MAU2: variants seen among roughly 807,000 people sequenced by gnomAD.
MAU2 encodes the protein MAU2 chromatid cohesion factor homolog.
A neutral mutation model predicts 89.1 loss-of-function variants in MAU2; 9 were observed. That is an observed-to-expected ratio of 0.10 (90% CI 0.06 to 0.18). The LOEUF (loss-of-function observed/expected upper bound fraction) is 0.18. Ranked by LOEUF, MAU2 falls within the 10% of genes least tolerant of loss-of-function variation. The probability of loss-of-function intolerance (pLI) is 1.00; values close to 1 mark genes in which losing one functional copy is unlikely to be tolerated. For synonymous variants in MAU2, 357 were observed against 343.4 expected, an observed-to-expected ratio of 1.04 and a Z score of -0.44; for missense variants, 425 against 803.5, an observed-to-expected ratio of 0.53 and a Z score of 5.69.
intron 12 of MAU2, among the ~76,000 whole-genome samples, chr19:19,346,693 T>C (rs560976800): frequency 1.3e-5 from 2 of 152,254 alleles, no homozygotes; most frequent in African/African-American, 2.4e-5. Flanking sequence ...GGGCTTGAGC[T>C]ACATAGATTG....
Position 19,345,692 on chromosome 19 carries a change from G to A in MAU2, c.1221+323G>A, listed in dbSNP as rs2061687690. 6.6e-6 allele frequency among the ~76,000 whole-genome samples: 1 copy of A among 152,184 alleles called. No individual in the cohort carries two copies. The highest frequency in any genetic ancestry group is 1.5e-5 in the Non-Finnish European group (1 of 68,020). On this transcript the variant is annotated intron_variant, in intron 12 of 18. Coordinates refer to ENST00000262815, the MANE Select transcript of MAU2 (RefSeq NM_015329.4). The surrounding 1 kb of genome is among the most constrained non-coding windows in gnomAD (Gnocchi z 4.9). ...CACCCCCAAGGCTGGATTGGCTCAA[G>A]TGTCAGCTGACAACTCAGAGCCATC...
intron 1 of MAU2, among the ~76,000 whole-genome samples, chr19:19,323,288 G>T (rs1248348690): frequency 6.6e-6 from 1 of 151,504 alleles, no homozygotes; most frequent in African/African-American, 2.4e-5. Context: ...TCCGTCTCGT[G>T]GGTTCAAGCA....
rs910706099 is a variant in MAU2 at position 19,342,463 on chromosome 19, G to A, written c.736-72G>A. 8.0e-6 allele frequency: 12 copies of A among 1,497,844 alleles called. No homozygotes were observed. The African/African-American group carries it at 1.7e-4, about 21-fold the overall frequency. The allele number at this position is 1,497,844 out of a possible 1,614,324, so 92.8% of individuals were successfully genotyped here. The stretch of plus-strand genomic sequence containing the variant: ...AGATGCTCCCTAGAGGAAGGAGCAG[G>A]GGTGGCTGGGCTGGGCCTGGCTTCC... On this transcript the variant is annotated intron_variant, in intron 7 of 18. Coordinates refer to ENST00000262815, the MANE Select transcript of MAU2 (RefSeq NM_015329.4).
At chr19:19,355,578 G>A in intron 18 of MAU2, 130 bp from the exon 19 acceptor site, 2 of 1,183,012 alleles carry the variant, frequency 1.7e-6, no homozygotes, top group Non-Finnish European at 2.4e-6. Flanking sequence ...TCTCCTCGGG[G>A]CCCATTGGAC....
Position 19,335,684 on chromosome 19 carries a change from C to A in MAU2, c.277-34C>A, listed in dbSNP as rs377156100. On this transcript the variant is annotated intron_variant, in intron 1 of 18. Coordinates refer to ENST00000262815, the MANE Select transcript of MAU2 (RefSeq NM_015329.4). ...CAGTAACCAGGTGCCAGGTGTTTGC[C>A]TGAGAATTAATCGTTGTTTTCTTTC... 7 of 1,613,572 alleles carry A rather than the reference C, an allele frequency of 4.3e-6. No individual in the cohort carries two copies. The African/African-American group carries it at 9.3e-5, about 22-fold the overall frequency.
At position 19,354,453 on chromosome 19, in the gene MAU2, C is replaced by T; in HGVS notation, c.1639+8C>T. 1.9e-6 allele frequency: 3 copies of T among 1,610,468 alleles called. No individual in the cohort carries two copies. Among genetic ancestry groups the T allele is most frequent in the Non-Finnish European group, 2.5e-6 (3 of 1,177,626 alleles). The stretch of plus-strand genomic sequence containing the variant: ...CGTCAGCACTGCTGAGAGGTGAGTG[C>T]AATGGCCACCCCTCTTCCCCAGCCC... On this transcript the variant is annotated splice_region_variant and intron_variant, in intron 17 of 18. Coordinates refer to ENST00000262815, the MANE Select transcript of MAU2 (RefSeq NM_015329.4).
At chr19:19,344,110 C>A (rs2061674617) in intron 10 of MAU2, 170 bp downstream of exon 10, 2 of 610,722 alleles carry the variant, frequency 3.3e-6, no homozygotes, top group Non-Finnish European at 5.8e-6. Context: ...ATCAGAGAAT[C>A]TCATACAAAA....
chr19:19,326,302 CAA>C (rs1298223260), intron 1 of MAU2, among the ~76,000 whole-genome samples: 1 of 151,876 alleles, frequency 6.6e-6, no homozygotes, highest in Non-Finnish European at 1.5e-5. Flanking sequence ...CCTGCAATCC[CAA>C]GACTTTGTGA....
chr19:19,331,986 C>A (rs769206650), intron 1 of MAU2, among the ~76,000 whole-genome samples: 3 of 152,240 alleles, frequency 2.0e-5, no homozygotes, highest in African/African-American at 7.2e-5. Context: ...GAAAGGCATA[C>A]GCCTCCGTTC....
At chr19:19,355,111 C>A in intron 17 of MAU2, 153 bp from the exon 18 acceptor site, 1 of 1,009,074 alleles carries the variant, frequency 9.9e-7, no homozygotes, top group Non-Finnish European at 1.4e-6. Context: ...GCTTTGTGAT[C>A]CCAAGACAGG....
chr19:19,355,506 A>T, intron 18 of MAU2, 115 bp downstream of exon 18: 1 of 1,467,972 alleles, frequency 6.8e-7, no homozygotes, highest in East Asian at 2.3e-5. Flanking sequence ...ACTCAGCCTC[A>T]GGTGATCCCT....
chr19:19,343,783 G>A, intron 9 of MAU2, 54 bp from the exon 10 acceptor site: 3 of 1,364,398 alleles, frequency 2.2e-6, no homozygotes, highest in Non-Finnish European at 3.1e-6. Context: ...GTGGGCTGGG[G>A]GTGGCGCCTC....
Position 19,345,431 on chromosome 19 carries a change from G to A in MAU2, c.1221+62G>A, listed in dbSNP as rs1020257845. On this transcript the variant is annotated intron_variant, in intron 12 of 18. Coordinates refer to ENST00000262815, the MANE Select transcript of MAU2 (RefSeq NM_015329.4). The surrounding 1 kb of genome is among the most constrained non-coding windows in gnomAD (Gnocchi z 4.9). ...CACACTTCTGAGTAAGGAGTCGGGC[G>A]TGGTCTGTGATGAGGACAGCAGTCG... The A allele has an allele frequency of 1.4e-5, 21 of 1,542,272 alleles. No homozygotes were observed. The highest frequency in any genetic ancestry group is 2.2e-5 in the East Asian group (1 of 44,542).
Position 19,340,888 on chromosome 19 carries a change from G to A in MAU2, c.579+15G>A. ...GCAAGGGGATGGTAAGTTGAGGCTG[G>A]GCATGGCTGGATGCAGCTGGTGTTG... On this transcript the variant is annotated intron_variant, in intron 6 of 18. Coordinates refer to ENST00000262815, the MANE Select transcript of MAU2 (RefSeq NM_015329.4). The A allele has an allele frequency of 1.2e-6, 2 of 1,613,024 alleles. No individual in the cohort carries two copies. Among genetic ancestry groups the A allele is most frequent in the Non-Finnish European group, 1.7e-6 (2 of 1,179,858 alleles).
chr19:19,339,878 G>C (rs2061626888), intron 5 of MAU2, among the ~76,000 whole-genome samples: 1 of 150,712 alleles, frequency 6.6e-6, no homozygotes, highest in South Asian at 2.1e-4. Flanking sequence ...ATAAAAATTA[G>C]CCAGGCATGG....
At chr19:19,352,953 A>C (rs1370339648) in intron 16 of MAU2, 1 of 152,392 alleles carries the variant, frequency 6.6e-6, no homozygotes, top group Non-Finnish European at 1.5e-5. Context: ...GACATCCAGA[A>C]AGGTGGCAGC....
At chr19:19,326,724 A>ATATATATATG (rs2061510936) in intron 1 of MAU2, among the ~76,000 whole-genome samples, 1 of 129,736 alleles carries the variant, frequency 7.7e-6, no homozygotes, top group Non-Finnish European at 1.6e-5. Context: ...ATATATACAT[A>ATATATATATG]TATATATATA....
intron 1 of MAU2, among the ~76,000 whole-genome samples, chr19:19,330,106 A>G (rs1168295284): frequency 1.3e-5 from 2 of 151,646 alleles, no homozygotes; most frequent in African/African-American, 2.4e-5. Flanking sequence ...CAGCTTCCAG[A>G]GTAGCTGATG....
chr19:19,321,399 G>A (rs2061454579), intron 1 of MAU2: 1 of 439,372 alleles, frequency 2.3e-6, no homozygotes, highest in Non-Finnish European at 4.0e-6. Context: ...TCTGAAAGTT[G>A]CCTGTTATTG....
Sources: gnomAD v4.1 joint callset for allele counts (sites outside exome capture counted in the v4.1 genomes callset) on GRCh38, gnomAD v4.1.1 for gene constraint, Gnocchi (gnomAD v3.1) non-coding constraint, MANE v1.5 for transcripts, NCBI Gene and HGNC (gene_info 2026-07-23, HGNC 2026-07-21) for gene names.